The following NFKB1 variants were observed in gnomAD, a reference collection of about 807,000 sequenced individuals.
NFKB1 encodes nuclear factor NF-kappa-B p105 subunit.
NFKB1 carries 9 observed loss-of-function variants against 105.1 expected under a neutral mutation model. The observed-to-expected ratio is 0.09, with a 90% CI of 0.05 to 0.15. NFKB1 has a LOEUF of 0.15. Among genes scored for constraint, NFKB1 ranks in the 10% least tolerant of loss-of-function variants. The probability of loss-of-function intolerance (pLI) is 1.00; values close to 1 mark genes in which losing one functional copy is unlikely to be tolerated. For missense variants in NFKB1, 830 were observed against 1,203.7 expected (o/e 0.69, Z 4.59); for synonymous variants, 440 against 442.2 (o/e 1.00, Z 0.06).
intron 3 of NFKB1, among the ~76,000 whole-genome samples, chr4:102,531,981 A>G (rs1244094489): frequency 6.6e-6 from 1 of 152,162 alleles, no homozygotes; most frequent in Non-Finnish European, 1.5e-5. Context: ...TAAGTGTTAC[A>G]TTGTCATACA....
At chr4:102,518,489 C>T (rs1740350828) in intron 1 of NFKB1, among the ~76,000 whole-genome samples, 1 of 152,178 alleles carries the variant, frequency 6.6e-6, no homozygotes, top group Non-Finnish European at 1.5e-5. Flanking sequence ...CCATACCCCA[C>T]ATATACTCCA....
At chr4:102,607,405 T>C (rs555887801) in intron 18 of NFKB1, 86 bp downstream of exon 18, 1 of 1,417,004 alleles carries the variant, frequency 7.1e-7, no homozygotes, top group East Asian at 2.3e-5. Flanking sequence ...CAGTAGCTGC[T>C]GTTCTCCCTT....
At chr4:102,552,522 T>A (rs1259930083) in intron 5 of NFKB1, among the ~76,000 whole-genome samples, 1 of 152,180 alleles carries the variant, frequency 6.6e-6, no homozygotes, top group Non-Finnish European at 1.5e-5. Context: ...TGTATTACAA[T>A]AAGTAATTTT....
At chr4:102,510,897 A>G in intron 1 of NFKB1, 1 of 1,280,476 alleles carries the variant, frequency 7.8e-7, no homozygotes, top group Non-Finnish European at 1.0e-6. Flanking sequence ...ACAACGTCCT[A>G]CATCAAGAAA....
At chr4:102,615,205 C>T (rs1728834323) in intron 23 of NFKB1, among the ~76,000 whole-genome samples, 1 of 152,242 alleles carries the variant, frequency 6.6e-6, no homozygotes, top group Non-Finnish European at 1.5e-5. Flanking sequence ...CCAGCATACA[C>T]TGTGTGCCTA....
intron 15 of NFKB1, among the ~76,000 whole-genome samples, chr4:102,597,936 C>G (rs978705130): frequency 3.9e-5 from 6 of 152,164 alleles, no homozygotes; most frequent in African/African-American, 1.4e-4. Flanking sequence ...GGTAATGGTA[C>G]TTTTTGAAAA....
intron 5 of NFKB1, among the ~76,000 whole-genome samples, chr4:102,547,242 A>G (rs1722206571): frequency 6.6e-6 from 1 of 152,214 alleles, no homozygotes; most frequent in South Asian, 2.1e-4. Context: ...AATTTTTAAA[A>G]TTAAATGTGC....
At chr4:102,557,542 T>C (rs1723080645) in intron 5 of NFKB1, among the ~76,000 whole-genome samples, 1 of 152,202 alleles carries the variant, frequency 6.6e-6, no homozygotes, top group South Asian at 2.1e-4. Flanking sequence ...TAGTTGTTCC[T>C]ATCCATCACC....
At chr4:102,564,710 A>G (rs1349641932) in intron 5 of NFKB1, among the ~76,000 whole-genome samples, 2 of 152,210 alleles carry the variant, frequency 1.3e-5, no homozygotes, top group Admixed American at 6.5e-5. Flanking sequence ...ATTGCCTCAT[A>G]ATGGTAACAT....
intron 13 of NFKB1, 41 bp downstream of exon 13, chr4:102,595,022 A>C: frequency 7.3e-7 from 1 of 1,362,838 alleles, no homozygotes; most frequent in Non-Finnish European, 1.0e-6. Flanking sequence ...AAGGAAAAAA[A>C]TAATTAATGC....
chr4:102,605,953 T>C (rs1727682437), intron 16 of NFKB1, among the ~76,000 whole-genome samples: 1 of 152,248 alleles, frequency 6.6e-6, no homozygotes, highest in African/African-American at 2.4e-5. Context: ...AGTGAAAACA[T>C]AGCCTTAATT....
intron 15 of NFKB1, among the ~76,000 whole-genome samples, chr4:102,599,398 G>A (rs1578813901): frequency 6.6e-6 from 1 of 152,166 alleles, no homozygotes; most frequent in Non-Finnish European, 1.5e-5. Flanking sequence ...TCCCAAGTAC[G>A]ATATACTTGC....
chr4:102,548,093 C>A (rs1722276627), intron 5 of NFKB1, among the ~76,000 whole-genome samples: 2 of 151,990 alleles, frequency 1.3e-5, no homozygotes, highest in South Asian at 2.1e-4. Context: ...GGGGAGCACA[C>A]AGCACTCCAG....
rs773431501 is a variant in NFKB1 at position 102,597,611 on chromosome 4, G to A, written c.1587G>A (p.Leu529=). Residue 529 remains leucine (L), a synonymous_variant, in exon 15 of 24, where the codon CTG becomes CTA. Coordinates refer to ENST00000226574, the MANE Select transcript of NFKB1 (RefSeq NM_003998.4). ...CGGTGACAGGAGACGTGAAGATGCT[G>A]CTGGCCGTCCAGCGCCATCTCACTG... ...DYAVTGDVKM[L]LAVQRHLTAV... is the part of the protein sequence containing the mutation. 1.9e-6 allele frequency: 3 copies of A among 1,613,870 alleles called. No homozygotes were observed. The highest frequency in any genetic ancestry group is 1.7e-6 in the Non-Finnish European group (2 of 1,179,870).
At chr4:102,582,622 T>C (rs1178828074) in intron 9 of NFKB1, among the ~76,000 whole-genome samples, 2 of 152,150 alleles carry the variant, frequency 1.3e-5, no homozygotes, top group South Asian at 2.1e-4. Flanking sequence ...AAAAGAAAAT[T>C]CAAGTTAACT....
chr4:102,612,591 T>C lies in NFKB1; in HGVS notation c.2577T>C (p.Leu859=). ...TGAGTCCTGCTCCTTCCAAAACACT[T>C]ATGGACAACTATGAGGTAACACCTT... ...FRLSPAPSKT[L]MDNYEVSGGT... is the part of the protein sequence containing the mutation. The change falls in exon 22 of 24, where the codon CTT becomes CTC. Residue 859 remains leucine, a synonymous_variant. Transcript: ENST00000226574. The C allele has an allele frequency of 1.9e-6, 3 of 1,613,622 alleles. No individual in the cohort carries two copies. Among genetic ancestry groups the C allele is most frequent in the Non-Finnish European group, 2.5e-6 (3 of 1,179,966 alleles).
intron 1 of NFKB1, among the ~76,000 whole-genome samples, chr4:102,515,480 A>G (rs1218722581): frequency 1.3e-5 from 2 of 152,040 alleles, no homozygotes; most frequent in Non-Finnish European, 2.9e-5. Context: ...TATTTGTGCT[A>G]TCTCTTCTTT....
chr4:102,579,445 C>T (rs1725139090), intron 8 of NFKB1, among the ~76,000 whole-genome samples: 1 of 151,734 alleles, frequency 6.6e-6, no homozygotes, highest in Non-Finnish European at 1.5e-5. Context: ...TTTTCTTTCC[C>T]ATATGTTACT....
chr4:102,576,142 C>G (rs779427262), intron 6 of NFKB1, among the ~76,000 whole-genome samples: 7 of 152,136 alleles, frequency 4.6e-5, no homozygotes, highest in East Asian at 1.9e-4. Context: ...AAATATGTAG[C>G]CTTCGTGAGA....
Sources: allele counts gnomAD v4.1 joint callset (sites outside exome capture counted in the v4.1 genomes callset), GRCh38; gene constraint gnomAD v4.1.1; transcripts MANE v1.5; gene names NCBI Gene and HGNC (gene_info 2026-07-23, HGNC 2026-07-21).